TTC12: variants seen among roughly 807,000 people sequenced by gnomAD.
The protein encoded by TTC12 is tetratricopeptide repeat protein 12.
A neutral mutation model predicts 90.1 loss-of-function variants in TTC12; 70 were observed. That is an observed-to-expected ratio of 0.78 (90% CI 0.64 to 0.95). The LOEUF is 0.95. Ranked by LOEUF, TTC12 falls within the 40% of genes least tolerant of loss-of-function variation. TTC12 has a pLI of 0.00. For missense variants in TTC12, 819 were observed against 846.1 expected (o/e 0.97, Z 0.40); for synonymous variants, 296 against 311.5 (o/e 0.95, Z 0.53).
intron 13 of TTC12, among the ~76,000 whole-genome samples, chr11:113,349,094 A>T (rs1949127837): frequency 6.6e-6 from 1 of 152,152 alleles, no homozygotes; most frequent in Non-Finnish European, 1.5e-5. Context: ...ATTGCCTGGT[A>T]CACAGTCAGT....
chr11:113,366,730 T>C (rs776363042), downstream of TTC12, among the ~76,000 whole-genome samples: 23 of 152,142 alleles, frequency 1.5e-4, no homozygotes, highest in Admixed American at 5.9e-4. Flanking sequence ...AGCTGTGGAG[T>C]GCTGAGAGAG....
intron 12 of TTC12, among the ~76,000 whole-genome samples, chr11:113,343,849 A>G (rs886779150): frequency 6.6e-6 from 1 of 152,218 alleles, no homozygotes; most frequent in Non-Finnish European, 1.5e-5. Flanking sequence ...TAGCCGTTGT[A>G]TGAATATTGA....
intron 10 of TTC12, chr11:113,339,684 A>C (rs1948577552): frequency 2.0e-6 from 1 of 494,424 alleles, no homozygotes; most frequent in Admixed American, 3.4e-5. Context: ...CACTCAGCAC[A>C]CATGCAATAA....
chr11:113,319,322 G>A lies in TTC12; in HGVS notation c.58+3007G>A, dbSNP rs75350083. ...AATAAGGAAAGGGTGAGAAATTGTC[G>A]CAGCCTAGAGAAGCCTAAGGAGACA... On this transcript the variant is annotated intron_variant, in intron 2 of 21. Transcript: ENST00000529221. 1.0e-3 allele frequency among the ~76,000 whole-genome samples: 153 copies of A among 152,212 alleles called. 3 individuals carry two copies. In the East Asian group the frequency reaches 0.027, roughly 27 times the overall value.
chr11:113,335,681 T>G (rs957859775), intron 8 of TTC12, among the ~76,000 whole-genome samples: 2 of 152,220 alleles, frequency 1.3e-5, no homozygotes, highest in African/African-American at 4.8e-5. Flanking sequence ...ATACGATCTG[T>G]GGTCTTTTGT....
intron 21 of TTC12, 52 bp from the exon 22 acceptor site, chr11:113,366,173 A>C (rs1356159667): frequency 1.2e-6 from 2 of 1,600,758 alleles, no homozygotes; most frequent in African/African-American, 2.7e-5. Flanking sequence ...TGGGCTCCAG[A>C]AGCCTGAACC....
intron 16 of TTC12, 47 bp downstream of exon 16, chr11:113,352,254 G>T: frequency 6.2e-7 from 1 of 1,611,404 alleles, no homozygotes; most frequent in East Asian, 2.2e-5. Context: ...CTCTTTGGGG[G>T]CATTAGCGTC....
chr11:113,323,498 A>T (rs112354897), intron 3 of TTC12, 47 bp downstream of exon 3: 1 of 1,333,734 alleles, frequency 7.5e-7, no homozygotes, highest in South Asian at 1.9e-5. Context: ...CAGTGAGAAG[A>T]CCTACACCTA....
chr11:113,360,417 A>G (rs1446903671), intron 18 of TTC12, among the ~76,000 whole-genome samples: 1 of 152,194 alleles, frequency 6.6e-6, no homozygotes, highest in Non-Finnish European at 1.5e-5. Context: ...AAGAAAAAAA[A>G]AAAGCCAAGC....
At chr11:113,356,296 A>G (rs1455209094) in intron 16 of TTC12, among the ~76,000 whole-genome samples, 1 of 151,780 alleles carries the variant, frequency 6.6e-6, no homozygotes, top group Non-Finnish European at 1.5e-5. Context: ...TGCTTAGTAG[A>G]TTTTTCTCCA....
At chr11:113,344,142 T>C in intron 12 of TTC12, 130 bp from the exon 13 acceptor site, 1 of 1,092,330 alleles carries the variant, frequency 9.2e-7, no homozygotes, top group Non-Finnish European at 1.3e-6. Flanking sequence ...GAATCCACAC[T>C]CTTACACTTC....
intron 12 of TTC12, among the ~76,000 whole-genome samples, chr11:113,343,142 TCA>T: frequency 6.6e-6 from 1 of 152,316 alleles, no homozygotes; most frequent in South Asian, 2.1e-4. Flanking sequence ...TGAAAATATG[TCA>T]GTCATCTATT....
At chr11:113,331,425 A>C (rs1448606876) in intron 7 of TTC12, among the ~76,000 whole-genome samples, 2 of 152,156 alleles carry the variant, frequency 1.3e-5, no homozygotes, top group African/African-American at 4.8e-5. Flanking sequence ...GTTCAGTGTC[A>C]CTATTTTCTC....
intron 7 of TTC12, among the ~76,000 whole-genome samples, chr11:113,333,616 G>A (rs926063530): frequency 6.6e-6 from 1 of 152,036 alleles, no homozygotes; most frequent in African/African-American, 2.4e-5. Flanking sequence ...GATAATAACT[G>A]TATCTGCTTC....
intron 8 of TTC12, among the ~76,000 whole-genome samples, chr11:113,336,099 A>G (rs1555143969): frequency 6.6e-6 from 1 of 152,036 alleles, no homozygotes; most frequent in African/African-American, 2.4e-5. Flanking sequence ...TTATTTTTTT[A>G]TTATAGCTAT....
At position 113,339,490 on chromosome 11, in the gene TTC12, G is replaced by T. The variant is rs782175951; in HGVS notation, c.826+16G>T. 1 of 1,601,674 alleles carries T rather than the reference G, an allele frequency of 6.2e-7. No homozygotes were observed. The highest frequency in any genetic ancestry group is 8.5e-7 in the Non-Finnish European group (1 of 1,173,388). On this transcript the variant is annotated intron_variant, in intron 10 of 21. Transcript: ENST00000529221. ...ATAAATGAGTGTAAGCCAGAGATGTGTGTGATCTCATGAGTGCTGTCAGTG... is the reference window on the plus strand; with the variant it reads ...ATAAATGAGTGTAAGCCAGAGATGTTTGTGATCTCATGAGTGCTGTCAGTG...
chr11:113,352,742 T>C lies in TTC12; in HGVS notation c.1446+535T>C, dbSNP rs1949381333. On this transcript the variant is annotated intron_variant, in intron 16 of 21. Coordinates refer to ENST00000529221, the MANE Select transcript of TTC12 (RefSeq NM_017868.4). ...TCCTGCATTAATCTGCAAAGGATAA[T>C]AGCCTCTAGCTCCACCCATGTTTCT... is the stretch of plus-strand genomic sequence containing the variant. Among the ~76,000 whole-genome samples, 6 of 152,200 alleles carry C rather than the reference T, an allele frequency of 3.9e-5. No homozygotes were observed. The South Asian group carries it at 1.2e-3, about 32-fold the overall frequency.
At chr11:113,341,724 A>G (rs1220370133) in intron 11 of TTC12, 113 bp from the exon 12 acceptor site, 17 of 839,968 alleles carry the variant, frequency 2.0e-5, no homozygotes, top group Non-Finnish European at 3.1e-5. Context: ...TTATAAAACT[A>G]TACTTTCTCA....
At chr11:113,364,527 T>G in intron 20 of TTC12, 1 of 370,392 alleles carries the variant, frequency 2.7e-6, no homozygotes, top group South Asian at 2.7e-5. Context: ...CCTGGCGCAG[T>G]GAGAGGTTAA....
Sources: allele counts gnomAD v4.1 joint callset (sites outside exome capture counted in the v4.1 genomes callset), GRCh38; gene constraint gnomAD v4.1.1; transcripts MANE v1.5; gene names NCBI Gene and HGNC (gene_info 2026-07-23, HGNC 2026-07-21).